DDB1: variants seen among roughly 807,000 people sequenced by gnomAD.
The protein encoded by DDB1 is damage specific DNA binding protein 1.
Under a neutral mutation model 133.1 loss-of-function variants are expected in DDB1, and 18 were observed. That is an observed-to-expected ratio of 0.14 (90% CI 0.09 to 0.20). The LOEUF is 0.20. Among genes scored for constraint, DDB1 ranks in the 10% least tolerant of loss-of-function variants. The pLI is 1.00. For missense variants in DDB1, 828 were observed against 1,459.2 expected (o/e 0.57, Z 7.05); for synonymous variants, 580 against 550.5 (o/e 1.05, Z -0.75).
At chr11:61,316,962 T>TAGATATATATAG (rs1565034242) in intron 10 of DDB1, among the ~76,000 whole-genome samples, 5 of 24,104 alleles carry the variant, frequency 2.1e-4, no homozygotes, top group African/African-American at 5.4e-4. Flanking sequence ...TATATATATA[T>TAGATATATATAG]ATATATATAT....
At chr11:61,305,410 G>A (rs1855868125) in intron 21 of DDB1, among the ~76,000 whole-genome samples, 1 of 152,198 alleles carries the variant, frequency 6.6e-6, no homozygotes, top group South Asian at 2.1e-4. Flanking sequence ...GGGAGGCTGA[G>A]GCAGGAGAAT....
At position 61,313,484 on chromosome 11, in the gene DDB1, GAA is replaced by G. The variant is rs778141269; in HGVS notation, c.2069+13_2069+14del. 6 of 1,609,774 alleles carry G rather than the reference GAA, an allele frequency of 3.7e-6. No individual in the cohort carries two copies. The Middle Eastern group carries it at 5.0e-4, about 133-fold the overall frequency. On this transcript the variant is annotated intron_variant, in intron 16 of 26. Transcript: ENST00000301764. Reference sequence around the variant, plus strand: ...CAATCAATAGCTCTCATTAAATAAGGAAAAAGAGACTCACCTGTCAGGATAGC... The same window carrying G: ...CAATCAATAGCTCTCATTAAATAAGGAAAGAGACTCACCTGTCAGGATAGC...
intron 19 of DDB1, 99 bp from the exon 20 acceptor site, chr11:61,310,059 A>G: frequency 6.6e-7 from 1 of 1,504,594 alleles, no homozygotes; most frequent in South Asian, 1.1e-5. Flanking sequence ...GCAGTGACAA[A>G]GCGTGTACCA....
chr11:61,304,433 T>A (rs972471679), intron 21 of DDB1, among the ~76,000 whole-genome samples: 1 of 150,084 alleles, frequency 6.7e-6, no homozygotes, highest in Admixed American at 6.6e-5. Context: ...TGCCACTGCA[T>A]CCCAGCCTAG....
intron 10 of DDB1, 87 bp from the exon 11 acceptor site, chr11:61,316,654 G>T: frequency 7.3e-7 from 1 of 1,369,432 alleles, no homozygotes; most frequent in Non-Finnish European, 1.0e-6. Context: ...AGGGGCAGTG[G>T]CTCATGCCTA....
At chr11:61,319,069 G>A (rs528941242) in intron 10 of DDB1, among the ~76,000 whole-genome samples, 2 of 152,300 alleles carry the variant, frequency 1.3e-5, no homozygotes, top group African/African-American at 2.4e-5. Context: ...AGCCAGGCGT[G>A]GTGGCGCATG....
chr11:61,329,298 T>A, intron 4 of DDB1, 65 bp downstream of exon 4: 1 of 1,465,958 alleles, frequency 6.8e-7, no homozygotes, highest in Non-Finnish European at 9.6e-7. Flanking sequence ...GACATGCCAG[T>A]TAGCAAAAAC....
chr11:61,325,313 T>A lies in DDB1; in HGVS notation c.762+298A>T, dbSNP rs1232780855. On this transcript the variant is annotated intron_variant, in intron 6 of 26. Transcript: ENST00000301764. The stretch of plus-strand genomic sequence containing the variant: ...CGATCATGCCACTGCATTCTAGCTC[T>A]CCAGCCTGAGCGACAGAGTAAGACC... Among the ~76,000 whole-genome samples, 3 of 152,138 alleles carry A rather than the reference T, an allele frequency of 2.0e-5. No individual in the cohort carries two copies. The East Asian group carries it at 5.8e-4, about 29-fold the overall frequency.
Position 61,313,526 on chromosome 11 carries a change from G to C in DDB1, c.2042C>G (p.Pro681Arg). 6.2e-7 allele frequency: 1 copy of C among 1,614,120 alleles called. No individual in the cohort carries two copies. The highest frequency in any genetic ancestry group is 8.5e-7 in the Non-Finnish European group (1 of 1,180,024). The change falls in exon 16 of 27, where the codon CCC becomes CGC. Residue 681 changes from proline to arginine, a missense_variant. By Grantham distance (103) the Pro-to-Arg change is moderately radical. This residue lies in a region of DDB1 where 396 missense variants were observed against 554.1 expected (regional missense o/e 0.71). Coordinates refer to ENST00000301764, the MANE Select transcript of DDB1 (RefSeq NM_001923.5). ...GTCAGGATAGCCATCTGAATTGAGG[G>C]GACACATGTAGTTCACTTCCTTGAG... Reference protein sequence around the residue: ...VNLKEVNYMCPLNSDGYPDSL... With the variant: ...VNLKEVNYMCRLNSDGYPDSL...
intron 10 of DDB1, 62 bp downstream of exon 10, chr11:61,321,533 C>T: frequency 6.6e-7 from 1 of 1,521,540 alleles, no homozygotes. Flanking sequence ...GCCTTCACAA[C>T]ATGTAACAAG....
At chr11:61,327,793 C>T (rs1405879854) in intron 4 of DDB1, among the ~76,000 whole-genome samples, 2 of 152,172 alleles carry the variant, frequency 1.3e-5, no homozygotes, top group Non-Finnish European at 2.9e-5. Flanking sequence ...AAGACAGCTT[C>T]AACAAAGAAG....
At chr11:61,313,450 T>C (rs766508425) in intron 16 of DDB1, 49 bp downstream of exon 16, 38 of 1,538,348 alleles carry the variant, frequency 2.5e-5, no homozygotes, top group South Asian at 2.4e-4. Context: ...GAAAACATCA[T>C]GACCCCCTCA....
intron 20 of DDB1, 38 bp from the exon 21 acceptor site, chr11:61,309,115 C>T (rs763348556): frequency 6.3e-5 from 99 of 1,578,918 alleles, no homozygotes; most frequent in Non-Finnish European, 7.7e-5. Flanking sequence ...CTCTATGAGC[C>T]CACACTTTAC....
At chr11:61,329,710 C>A in intron 3 of DDB1, 126 bp from the exon 4 acceptor site, 2 of 883,908 alleles carry the variant, frequency 2.3e-6, no homozygotes, top group Non-Finnish European at 3.4e-6. Flanking sequence ...TTTGATAGGC[C>A]AAATAGTTGG....
intron 12 of DDB1, 143 bp downstream of exon 12, chr11:61,316,142 G>T: frequency 1.4e-6 from 1 of 709,082 alleles, no homozygotes; most frequent in Non-Finnish European, 2.4e-6. Context: ...CTGAGTAGTG[G>T]ATTATCTGTA....
intron 16 of DDB1, 45 bp from the exon 17 acceptor site, chr11:61,312,129 G>A: frequency 2.5e-6 from 4 of 1,576,356 alleles, no homozygotes; most frequent in Non-Finnish European, 3.5e-6. Flanking sequence ...CTCAAGGAAG[G>A]CAAAGATTCT....
In DDB1 at chr11:61,311,907, G is replaced by T; in HGVS notation, c.2166-12C>A. On this transcript the variant is annotated splice_polypyrimidine_tract_variant and intron_variant, in intron 17 of 26. Coordinates refer to ENST00000301764, the MANE Select transcript of DDB1 (RefSeq NM_001923.5). ...GGTAGCAGATCTTCCTGCAGAACAA[G>T]TACAGAACAACAGTGTCACTTAGAA... 6.2e-7 allele frequency: 1 copy of T among 1,614,098 alleles called. No homozygotes were observed. The highest frequency in any genetic ancestry group is 8.5e-7 in the Non-Finnish European group (1 of 1,179,942).
rs763182298 is a variant in DDB1 at position 61,321,628 on chromosome 11, C to T, written c.1192G>A (p.Glu398Lys). Residue 398 changes from glutamate to lysine, a missense_variant, in exon 10 of 27, where the codon GAG becomes AAG. This residue lies in a region of DDB1 where 35 missense variants were observed against 123.3 expected (regional missense o/e 0.28). Coordinates refer to ENST00000301764, the MANE Select transcript of DDB1 (RefSeq NM_001923.5). The stretch of plus-strand genomic sequence containing the variant: ...CCTGGTAAGTCAATGCTGGCATGCT[C>T]GTGGATTCCAATTCCATTCCGGATG... ...RIIRNGIGIH[E>K]HASIDLPGIK... 6.2e-7 allele frequency: 1 copy of T among 1,614,118 alleles called. No homozygotes were observed.
Position 61,331,614 on chromosome 11 carries a change from C to T in DDB1, c.139G>A (p.Glu47Lys), listed in dbSNP as rs1856371996. ...TRLEIYVVTA[E>K]GLRPVKEVGM... Reference sequence around the variant, plus strand: ...ACCTCTTTGACGGGCCGAAGCCCCTCGGCGGTGACCACATAGATCTCTAAT... The same window carrying T: ...ACCTCTTTGACGGGCCGAAGCCCCTTGGCGGTGACCACATAGATCTCTAAT... Residue 47 changes from glutamate to lysine, a missense_variant, in exon 2 of 27, where the codon GAG becomes AAG. By Grantham distance (56) the Glu-to-Lys change is moderately conservative. Coordinates refer to ENST00000301764, the MANE Select transcript of DDB1 (RefSeq NM_001923.5). 2 of 1,614,056 alleles carry T rather than the reference C, an allele frequency of 1.2e-6. No individual in the cohort carries two copies. The highest frequency in any genetic ancestry group is 1.7e-6 in the Non-Finnish European group (2 of 1,180,046).
Sources: gnomAD v4.1 joint callset for allele counts (sites outside exome capture counted in the v4.1 genomes callset) on GRCh38, gnomAD v4.1.1 for gene constraint, gnomAD v4.1.1 regional missense constraint, MANE v1.5 for transcripts, NCBI Gene and HGNC (gene_info 2026-07-23, HGNC 2026-07-21) for gene names.